TGIF1: variants seen among roughly 807,000 people sequenced by gnomAD.
TGIF1 encodes homeobox protein TGIF1.
A neutral mutation model predicts 19.3 loss-of-function variants in TGIF1; 4 were observed. That is an observed-to-expected ratio of 0.21 (90% confidence interval 0.10 to 0.47). The LOEUF is 0.47. Ranked by LOEUF, TGIF1 falls within the 20% of genes least tolerant of loss-of-function variation. The probability of loss-of-function intolerance (pLI) is 0.98; values close to 1 mark genes in which losing one functional copy is unlikely to be tolerated. For synonymous variants in TGIF1, 122 were observed against 129.3 expected (o/e 0.94, Z 0.38); for missense variants, 275 against 341.4 (o/e 0.81, Z 1.53).
intron 1 of TGIF1, chr18:3,453,812 T>C (rs2083074426): frequency 3.0e-6 from 3 of 985,134 alleles, no homozygotes; most frequent in South Asian, 9.4e-5. Flanking sequence ...TGAAAGAAGC[T>C]TGTGATCCTG....
At chr18:3,417,108 A>G (rs1391016905) in intron 1 of TGIF1, among the ~76,000 whole-genome samples, 1 of 152,144 alleles carries the variant, frequency 6.6e-6, no homozygotes, top group African/African-American at 2.4e-5. Flanking sequence ...AAAATTTTGT[A>G]GCACTCTAGA....
chr18:3,431,208 A>G (rs2082542559), intron 2 of TGIF1, among the ~76,000 whole-genome samples: 1 of 152,230 alleles, frequency 6.6e-6, no homozygotes. Context: ...GCACTTCGGG[A>G]GGCCGAGGCA....
chr18:3,420,903 A>G (rs890021707), intron 2 of TGIF1, among the ~76,000 whole-genome samples: 3 of 152,348 alleles, frequency 2.0e-5, no homozygotes, highest in East Asian at 1.9e-4. Context: ...GCAGACTAGA[A>G]TGGAATACAT....
chr18:3,421,778 G>A (rs930599361), intron 2 of TGIF1, among the ~76,000 whole-genome samples: 2 of 150,906 alleles, frequency 1.3e-5, no homozygotes, highest in East Asian at 4.0e-4. Flanking sequence ...TAACTGTAAA[G>A]CAACCTCAGG....
chr18:3,447,938 A>T, upstream of TGIF1: 11 of 1,443,418 alleles, frequency 7.6e-6, no homozygotes, highest in Non-Finnish European at 1.1e-5. Context: ...CGGTTGCCTG[A>T]GAATCGCAGT....
rs2049444316 is a variant in TGIF1 at position 3,458,847 on chromosome 18, G to T, written c.*907G>T. ...TAACCTTTGTTCAGTGGTACATTTA[G>T]TTAAGGCATTTGTATTCAAATGTAG... On this transcript the variant is annotated 3_prime_UTR_variant, in exon 3 of 3. Transcript: ENST00000343820. The T allele has an allele frequency of 6.6e-6, 1 of 152,196 alleles. No individual in the cohort carries two copies. The highest frequency in any genetic ancestry group is 2.4e-5 in the African/African-American group (1 of 41,442). The allele number at this position is 152,196 out of a possible 1,614,324, so 9.4% of individuals were successfully genotyped here. A position where few individuals can be genotyped will look rare whatever the true frequency, so the allele number is the denominator to read the frequency against.
upstream of TGIF1, chr18:3,449,916 G>GC (rs2082845187): frequency 2.0e-6 from 2 of 985,876 alleles, no homozygotes; most frequent in African/African-American, 3.5e-5. Context: ...CTCGGCTGGT[G>GC]CCCCCACCGC....
At chr18:3,440,285 A>C (rs2082665489) in intron 2 of TGIF1, among the ~76,000 whole-genome samples, 1 of 151,098 alleles carries the variant, frequency 6.6e-6, no homozygotes, top group African/African-American at 2.4e-5. Context: ...TGGGAGGCAG[A>C]GGTTGCAAGT....
intron 2 of TGIF1, among the ~76,000 whole-genome samples, chr18:3,422,730 G>A (rs577689974): frequency 1.4e-4 from 17 of 122,432 alleles, no homozygotes; most frequent in African/African-American, 4.5e-4. Flanking sequence ...TGGCTCTGTC[G>A]CCCAGTCTGG....
intron 1 of TGIF1, chr18:3,415,508 A>G: frequency 2.2e-6 from 1 of 459,314 alleles, no homozygotes. Flanking sequence ...GGTGCCCAGA[A>G]GACAGCAATG....
At chr18:3,445,765 C>CG (rs2082736516), upstream of TGIF1, among the ~76,000 whole-genome samples, 1 of 35,848 alleles carries the variant, frequency 2.8e-5, no homozygotes, top group African/African-American at 1.4e-4. Context: ...AGAAGAAAAG[C>CG]AAAAAAAAAA....
upstream of TGIF1, among the ~76,000 whole-genome samples, chr18:3,445,211 G>A (rs2082724589): frequency 6.6e-6 from 1 of 152,160 alleles, no homozygotes; most frequent in South Asian, 2.1e-4. Flanking sequence ...TTTAGGCCTA[G>A]CCTTGACTGG....
intron 2 of TGIF1, among the ~76,000 whole-genome samples, chr18:3,423,711 C>T (rs2082436153): frequency 6.6e-6 from 1 of 151,746 alleles, no homozygotes; most frequent in South Asian, 2.1e-4. Context: ...AAAAATTAGC[C>T]GGGTGTGGTG....
intron 2 of TGIF1, among the ~76,000 whole-genome samples, chr18:3,435,197 A>ATT (rs756523002): frequency 7.3e-5 from 11 of 150,110 alleles, no homozygotes; most frequent in African/African-American, 2.4e-4. Context: ...AACCCTATAT[A>ATT]TATTTTTTTT....
At chr18:3,431,863 G>A (rs2082551312) in intron 2 of TGIF1, among the ~76,000 whole-genome samples, 1 of 152,212 alleles carries the variant, frequency 6.6e-6, no homozygotes, top group Non-Finnish European at 1.5e-5. Flanking sequence ...GGGTGCTGTG[G>A]CTCACGCCTG....
intron 2 of TGIF1, among the ~76,000 whole-genome samples, chr18:3,435,203 T>A (rs577504362): frequency 1.4e-4 from 22 of 152,214 alleles, no homozygotes; most frequent in Non-Finnish European, 2.6e-4. Context: ...ATATATATTT[T>A]TTTTTTTGAG....
At chr18:3,452,937 A>G (rs866876888) in intron 1 of TGIF1, among the ~76,000 whole-genome samples, 1 of 152,226 alleles carries the variant, frequency 6.6e-6, no homozygotes, top group South Asian at 2.1e-4. Context: ...CTTAAAAACA[A>G]TGAGAAGGAT....
intron 2 of TGIF1, among the ~76,000 whole-genome samples, chr18:3,433,582 C>T (rs1006831234): frequency 6.6e-6 from 1 of 152,096 alleles, no homozygotes; most frequent in African/African-American, 2.4e-5. Context: ...GACGGAAAGC[C>T]TCCATGTTAG....
chr18:3,414,321 A>C (rs2082304521), intron 1 of TGIF1, among the ~76,000 whole-genome samples: 1 of 152,246 alleles, frequency 6.6e-6, no homozygotes, highest in Non-Finnish European at 1.5e-5. Flanking sequence ...CTGTGAACCC[A>C]GGCAGTCTGA....
Sources: allele counts gnomAD v4.1 joint callset (sites outside exome capture counted in the v4.1 genomes callset), GRCh38; gene constraint gnomAD v4.1.1; transcripts MANE v1.5; gene names NCBI Gene and HGNC (gene_info 2026-07-23, HGNC 2026-07-21).